C9: variants seen among roughly 807,000 people sequenced by gnomAD.
C9 encodes complement C9.
A neutral mutation model predicts 65.4 loss-of-function variants in C9; 63 were observed. The observed-to-expected ratio is 0.96, with a 90% CI of 0.79 to 1.19. The LOEUF is 1.19. Ranked by LOEUF, C9 falls within the 50% of genes most tolerant of loss-of-function variation. The pLI is 0.00. For missense variants in C9, 744 were observed against 670.1 expected, an observed-to-expected ratio of 1.11 and a Z score of -1.22; for synonymous variants, 229 against 227.9, an observed-to-expected ratio of 1.00 and a Z score of -0.04.
Position 39,331,827 on chromosome 5 carries a change from A to G in C9, c.477-13T>C. 1 of 1,612,386 alleles carries G rather than the reference A, an allele frequency of 6.2e-7. No individual in the cohort carries two copies. Among genetic ancestry groups the G allele is most frequent in the Non-Finnish European group, 8.5e-7 (1 of 1,178,400 alleles). On this transcript the variant is annotated splice_polypyrimidine_tract_variant and intron_variant, in intron 4 of 10. Transcript: ENST00000263408. ...TAAAATGTTGATCCTGAGAATGAACAGAGTAGTATCAGAAGTGGAAATACC... is the reference window on the plus strand; with the variant it reads ...TAAAATGTTGATCCTGAGAATGAACGGAGTAGTATCAGAAGTGGAAATACC...
At chr5:39,356,788 C>T (rs1440780783) in intron 1 of C9, among the ~76,000 whole-genome samples, 2 of 152,210 alleles carry the variant, frequency 1.3e-5, no homozygotes, top group African/African-American at 4.8e-5. Context: ...TTGAGCCCAA[C>T]ACCCCCTCCT....
At chr5:39,305,595 T>C (rs906701983) in intron 9 of C9, among the ~76,000 whole-genome samples, 3 of 152,038 alleles carry the variant, frequency 2.0e-5, no homozygotes, top group Non-Finnish European at 2.9e-5. Flanking sequence ...CACTTACTAA[T>C]AGTACCAGTA....
chr5:39,351,347 C>T (rs1023658642), intron 1 of C9, among the ~76,000 whole-genome samples: 1 of 152,222 alleles, frequency 6.6e-6, no homozygotes, highest in African/African-American at 2.4e-5. Flanking sequence ...TGGCTATTAA[C>T]ATTTGGCTCC....
rs113459014 is a variant in C9, at chr5:39,335,839, G to A, written c.477-4025C>T. Among the ~76,000 whole-genome samples the A allele has an allele frequency of 3.9e-5, 6 of 152,162 alleles. No homozygotes were observed. The South Asian group carries it at 1.3e-3, about 32-fold the overall frequency. ...GAAAGATTTGATATGGGTTTTGAGGGGTGGGTAAATTGGGATGGGGCTAGT... is the reference window on the plus strand; with the variant it reads ...GAAAGATTTGATATGGGTTTTGAGGAGTGGGTAAATTGGGATGGGGCTAGT... On this transcript the variant is annotated intron_variant, in intron 4 of 10. Coordinates refer to ENST00000263408, the MANE Select transcript of C9 (RefSeq NM_001737.5).
intron 10 of C9, among the ~76,000 whole-genome samples, chr5:39,287,812 G>A (rs892095000): frequency 4.0e-5 from 6 of 151,856 alleles, no homozygotes. Context: ...AATAGACAGT[G>A]GGGACTCCAA....
chr5:39,309,163 CA>C (rs1304132850), intron 7 of C9, among the ~76,000 whole-genome samples: 1 of 148,918 alleles, frequency 6.7e-6, no homozygotes, highest in African/African-American at 2.5e-5. Context: ...TTTTGCAATT[CA>C]TAAAAAAAAT....
intron 1 of C9, among the ~76,000 whole-genome samples, chr5:39,349,000 A>T (rs1754266183): frequency 2.5e-5 from 3 of 121,300 alleles, no homozygotes; most frequent in Non-Finnish European, 4.9e-5. Flanking sequence ...GGTGGGGAAC[A>T]TCACACACTG....
rs747790831 is a variant in C9 at position 39,341,572 on chromosome 5, G to T, written c.312C>A (p.Asp104Glu). The T allele has an allele frequency of 6.2e-7, 1 of 1,613,886 alleles. No homozygotes were observed. The highest frequency in any genetic ancestry group is 8.5e-7 in the Non-Finnish European group (1 of 1,179,930). Reference protein sequence around the residue: ...CEDAEDDCGNDFQCSTGRCIK... With the variant: ...CEDAEDDCGNEFQCSTGRCIK... ...AAAGATTACCTGTACTGCATTGAAA[G>T]TCATTTCCGCAGTCATCCTCAGCAT... The change falls in exon 3 of 11, where the codon GAC becomes GAA. Residue 104 changes from aspartate to glutamate, a missense_variant. By Grantham distance (45) the Asp-to-Glu change is conservative. Coordinates refer to ENST00000263408, the MANE Select transcript of C9 (RefSeq NM_001737.5).
intron 5 of C9, among the ~76,000 whole-genome samples, chr5:39,321,080 T>A (rs1753658974): frequency 6.6e-6 from 1 of 152,048 alleles, no homozygotes. Context: ...ATAAAAAATT[T>A]ATGAAATTAT....
chr5:39,296,870 G>A (rs1268861738), intron 9 of C9, among the ~76,000 whole-genome samples: 1 of 150,776 alleles, frequency 6.6e-6, no homozygotes, highest in African/African-American at 2.4e-5. Context: ...CTTATATGTG[G>A]AAGCTAAAAA....
chr5:39,343,551 C>T (rs1323048346), intron 1 of C9, among the ~76,000 whole-genome samples: 2 of 152,216 alleles, frequency 1.3e-5, no homozygotes, highest in Non-Finnish European at 2.9e-5. Flanking sequence ...TGGAGCCCAC[C>T]ACAGCTCAAG....
intron 1 of C9, among the ~76,000 whole-genome samples, chr5:39,363,689 C>T (rs1754563198): frequency 6.6e-6 from 1 of 152,202 alleles, no homozygotes; most frequent in Non-Finnish European, 1.5e-5. Context: ...CTAACCTCCA[C>T]CATTTCTAGG....
intron 5 of C9, among the ~76,000 whole-genome samples, chr5:39,321,207 T>A (rs28859643): frequency 0.03 from 4,489 of 152,160 alleles, 205 homozygotes; most frequent in African/African-American, 0.1. Flanking sequence ...CACTATTAGA[T>A]ATAATAATAG....
intron 1 of C9, among the ~76,000 whole-genome samples, chr5:39,344,133 A>C (rs1032499275): frequency 1.3e-5 from 2 of 152,254 alleles, no homozygotes; most frequent in Non-Finnish European, 2.9e-5. Context: ...CCTCCAAAGG[A>C]ACACAGCTCC....
intron 9 of C9, among the ~76,000 whole-genome samples, chr5:39,299,840 A>G (rs1753251573): frequency 6.6e-6 from 1 of 152,166 alleles, no homozygotes; most frequent in Non-Finnish European, 1.5e-5. Context: ...TAAAAATCTA[A>G]TTACATTAAA....
intron 1 of C9, among the ~76,000 whole-genome samples, chr5:39,350,631 C>T (rs1186970743): frequency 2.0e-5 from 3 of 152,164 alleles, no homozygotes; most frequent in African/African-American, 7.2e-5. Context: ...CCATGCAAGT[C>T]CAAAACCCAG....
intron 5 of C9, among the ~76,000 whole-genome samples, chr5:39,325,342 G>T (rs1056475079): frequency 1.3e-5 from 2 of 152,096 alleles, no homozygotes; most frequent in Non-Finnish European, 1.5e-5. Flanking sequence ...AGGATAACAA[G>T]TACAATCCAT....
intron 9 of C9, among the ~76,000 whole-genome samples, chr5:39,291,222 A>C (rs1341647931): frequency 6.6e-6 from 1 of 151,454 alleles, no homozygotes; most frequent in African/African-American, 2.4e-5. Context: ...CAAGTCTGAA[A>C]ATTTTAGCAA....
At chr5:39,359,801 C>T (rs1324950401) in intron 1 of C9, among the ~76,000 whole-genome samples, 2 of 152,164 alleles carry the variant, frequency 1.3e-5, no homozygotes, top group African/African-American at 4.8e-5. Flanking sequence ...GTTAGCATTC[C>T]TCACTAGATT....
Sources: gnomAD v4.1 joint callset for allele counts (sites outside exome capture counted in the v4.1 genomes callset) on GRCh38, gnomAD v4.1.1 for gene constraint, MANE v1.5 for transcripts, NCBI Gene and HGNC (gene_info 2026-07-23, HGNC 2026-07-21) for gene names.